The following PCNX2 variants were observed in gnomAD, a reference collection of about 807,000 sequenced individuals.
The protein encoded by PCNX2 is pecanex 2.
A neutral mutation model predicts 223.8 loss-of-function variants in PCNX2; 168 were observed. That is an observed-to-expected ratio of 0.75 (90% CI 0.66 to 0.85). The LOEUF (loss-of-function observed/expected upper bound fraction) is 0.85. Ranked by LOEUF, PCNX2 falls within the 40% of genes least tolerant of loss-of-function variation. PCNX2 has a pLI of 0.00. For missense variants in PCNX2, 2,507 were observed against 2,675.5 expected (o/e 0.94, Z 1.39); for synonymous variants, 1,006 against 1,052.6 (o/e 0.96, Z 0.86).
intron 23 of PCNX2, among the ~76,000 whole-genome samples, chr1:233,086,145 T>G (rs1184471637): frequency 1.3e-5 from 2 of 151,920 alleles, no homozygotes; most frequent in African/African-American, 2.4e-5. Context: ...GGACAGGAAA[T>G]GAAGAGGTTG....
At chr1:233,091,639 G>A (rs1673876264) in intron 22 of PCNX2, among the ~76,000 whole-genome samples, 1 of 151,156 alleles carries the variant, frequency 6.6e-6, no homozygotes, top group Non-Finnish European at 1.5e-5. Context: ...AGGCGGAGGT[G>A]AGAGGATCTC....
chr1:233,097,102 G>GTC (rs1416475210), intron 21 of PCNX2, among the ~76,000 whole-genome samples: 1 of 152,098 alleles, frequency 6.6e-6, no homozygotes, highest in Admixed American at 6.6e-5. Context: ...AGAATAAAAG[G>GTC]TCTCTCAAAG....
intron 20 of PCNX2, among the ~76,000 whole-genome samples, chr1:233,138,499 C>T (rs1396714145): frequency 3.3e-5 from 5 of 152,192 alleles, no homozygotes; most frequent in African/African-American, 9.7e-5. Context: ...GAAACTGAGG[C>T]TCTACCTTGT....
intron 23 of PCNX2, chr1:233,058,048 T>G (rs1672256179): frequency 1.0e-6 from 1 of 985,360 alleles, no homozygotes; most frequent in Non-Finnish European, 1.2e-6. Flanking sequence ...ACCATGAGAA[T>G]GAAAGCTCTC....
intron 17 of PCNX2, among the ~76,000 whole-genome samples, chr1:233,171,715 A>G (rs1022562064): frequency 2.6e-5 from 4 of 152,198 alleles, no homozygotes; most frequent in African/African-American, 7.2e-5. Context: ...GAATCTCAAG[A>G]TAAGTGTCTT....
At chr1:233,140,647 T>C (rs147711684) in intron 19 of PCNX2, among the ~76,000 whole-genome samples, 5 of 152,354 alleles carry the variant, frequency 3.3e-5, no homozygotes, top group Admixed American at 3.3e-4. Context: ...CTTGCCCATC[T>C]GGGGAGCCCG....
intron 25 of PCNX2, chr1:233,031,814 A>G: frequency 1.0e-6 from 1 of 981,346 alleles, no homozygotes; most frequent in Non-Finnish European, 1.2e-6. Flanking sequence ...AAACATTTCA[A>G]GGGTCTCTTA....
intron 5 of PCNX2, among the ~76,000 whole-genome samples, chr1:233,255,316 C>G (rs187503540): frequency 6.6e-6 from 1 of 152,288 alleles, no homozygotes; most frequent in Admixed American, 6.5e-5. Context: ...CACTCCTAGT[C>G]CAGCCACCTC....
At position 233,134,557 on chromosome 1, in the gene PCNX2, A is replaced by G. The variant is rs549212177; in HGVS notation, c.3837+456T>C. ...GGAAAAAGAAAAGAAAACAGAAGAAAAAAGGAAAGCAGGAAGGCAGAGAGG... is the reference window on the plus strand; with the variant it reads ...GGAAAAAGAAAAGAAAACAGAAGAAGAAAGGAAAGCAGGAAGGCAGAGAGG... On this transcript the variant is annotated intron_variant, in intron 21 of 33. Transcript: ENST00000258229. 4.0e-5 allele frequency among the ~76,000 whole-genome samples: 6 copies of G among 151,038 alleles called. No homozygotes were observed. In the South Asian group the frequency reaches 1.3e-3, roughly 32 times the overall value.
rs1660026141 is a variant in PCNX2, at chr1:233,261,302, G to A, written c.500C>T (p.Thr167Ile). The A allele has an allele frequency of 1.9e-6, 3 of 1,612,352 alleles. No individual in the cohort carries two copies. In the African/African-American group the frequency reaches 4.0e-5, roughly 22 times the overall value. ...SGPLELSAQE[T>I]VEDLKGVILL... ...CAGTTTACCTTTGAGATCTTCTACA[G>A]TTTCCTGTGCTGACAACTCCTACAC... The change falls in exon 4 of 34, where the codon ACT (threonine) becomes ATT (isoleucine). Residue 167 changes from threonine to isoleucine, a missense_variant. Physicochemically the swap from Thr to Ile is moderately conservative, Grantham distance 89 (BLOSUM62 -1). Transcript: ENST00000258229.
intron 15 of PCNX2, among the ~76,000 whole-genome samples, chr1:233,182,376 G>A (rs1276498470): frequency 6.6e-6 from 1 of 152,056 alleles, no homozygotes; most frequent in African/African-American, 2.4e-5. Flanking sequence ...GGCTTCCACT[G>A]TCTTGTCCCA....
chr1:233,262,499 T>C (rs1381061821), intron 2 of PCNX2, among the ~76,000 whole-genome samples: 3 of 152,178 alleles, frequency 2.0e-5, no homozygotes, highest in Non-Finnish European at 2.9e-5. Flanking sequence ...TTAGAGGACA[T>C]GCTATCTTAA....
intron 23 of PCNX2, among the ~76,000 whole-genome samples, chr1:233,080,298 C>T (rs906455776): frequency 6.6e-6 from 1 of 151,936 alleles, no homozygotes; most frequent in Non-Finnish European, 1.5e-5. Flanking sequence ...TGGGCCATAC[C>T]TGTCAATCCC....
chr1:233,027,362 C>T (rs1217145438), intron 25 of PCNX2, among the ~76,000 whole-genome samples: 1 of 152,136 alleles, frequency 6.6e-6, no homozygotes. Context: ...GCAACAATTT[C>T]TGGAAGTTTA....
intron 1 of PCNX2, among the ~76,000 whole-genome samples, chr1:233,282,615 A>C (rs542611232): frequency 6.6e-6 from 1 of 152,212 alleles, no homozygotes; most frequent in East Asian, 1.9e-4. Flanking sequence ...AAATGAACTG[A>C]TCATTAAATC....
intron 32 of PCNX2, among the ~76,000 whole-genome samples, chr1:232,987,988 C>T (rs549265390): frequency 3.3e-5 from 5 of 152,198 alleles, no homozygotes; most frequent in Admixed American, 6.5e-5. Flanking sequence ...CTCAGCCCCT[C>T]GCATGGGGCC....
intron 23 of PCNX2, among the ~76,000 whole-genome samples, chr1:233,073,270 T>G (rs1411100937): frequency 6.6e-6 from 1 of 152,144 alleles, no homozygotes; most frequent in Non-Finnish European, 1.5e-5. Context: ...GTACGTTGAG[T>G]CTTGTTTTTA....
At chr1:233,172,447 T>A in intron 17 of PCNX2, 5 of 985,406 alleles carry the variant, frequency 5.1e-6, no homozygotes, top group South Asian at 4.7e-5. Flanking sequence ...TCTCAAGGAT[T>A]CTCTTATTCT....
chr1:233,217,685 C>T (rs572720525), intron 12 of PCNX2, among the ~76,000 whole-genome samples: 4 of 152,244 alleles, frequency 2.6e-5, no homozygotes, highest in Admixed American at 2.0e-4. Flanking sequence ...CACCCACTGC[C>T]CCACACCTTC....
Sources: gnomAD v4.1 joint callset for allele counts (sites outside exome capture counted in the v4.1 genomes callset) on GRCh38, gnomAD v4.1.1 for gene constraint, MANE v1.5 for transcripts, NCBI Gene and HGNC (gene_info 2026-07-23, HGNC 2026-07-21) for gene names.